STAU2: variants seen among roughly 807,000 people sequenced by gnomAD.
STAU2 encodes the protein staufen double-stranded RNA binding protein 2.
A neutral mutation model predicts 65.9 loss-of-function variants in STAU2; 20 were observed. The observed-to-expected ratio is 0.30, with a 90% CI of 0.21 to 0.44. The LOEUF is 0.44. Among genes scored for constraint, STAU2 ranks in the 20% least tolerant of loss-of-function variants. The pLI is 1.00. For missense variants in STAU2, 558 were observed against 683.9 expected, an observed-to-expected ratio of 0.82 and a Z score of 2.05; for synonymous variants, 232 against 233.9, an observed-to-expected ratio of 0.99 and a Z score of 0.07.
intron 13 of STAU2, among the ~76,000 whole-genome samples, chr8:73,481,957 G>C (rs1820655677): frequency 6.6e-6 from 1 of 152,134 alleles, no homozygotes; most frequent in South Asian, 2.1e-4. Flanking sequence ...AAGTTAGTCT[G>C]TGTGTATATA....
chr8:73,493,708 C>G (rs1821257254), intron 13 of STAU2, among the ~76,000 whole-genome samples: 1 of 151,636 alleles, frequency 6.6e-6, no homozygotes, highest in Non-Finnish European at 1.5e-5. Flanking sequence ...ACAAAACACA[C>G]ACCTACCCTA....
rs141656235 is a variant in STAU2, at chr8:73,713,754, T to C, written c.-17-4592A>G. On this transcript the variant is annotated intron_variant, in intron 3 of 14. Transcript: ENST00000524300. Reference sequence around the variant, plus strand: ...ATTCACTAGAACACCAAAAGTTTCCTAAACCAGAACTTAAAGTAGCATTTT... The same window carrying C: ...ATTCACTAGAACACCAAAAGTTTCCCAAACCAGAACTTAAAGTAGCATTTT... Among the ~76,000 whole-genome samples the C allele has an allele frequency of 8.2e-4, 125 of 152,306 alleles. No individual in the cohort carries two copies. The East Asian group carries it at 0.019, about 23-fold the overall frequency.
At chr8:73,663,037 T>G (rs148403983) in intron 6 of STAU2, among the ~76,000 whole-genome samples, 47 of 152,340 alleles carry the variant, frequency 3.1e-4, no homozygotes, top group African/African-American at 1.1e-3. Context: ...ATTGTTCATA[T>G]ATGGATTGAT....
At chr8:73,463,046 A>G (rs1441237204) in intron 13 of STAU2, among the ~76,000 whole-genome samples, 1 of 152,178 alleles carries the variant, frequency 6.6e-6, no homozygotes, top group Non-Finnish European at 1.5e-5. Context: ...CTCCACTTGC[A>G]CTTCCTGAGG....
chr8:73,692,893 C>T (rs184024105), intron 4 of STAU2, among the ~76,000 whole-genome samples: 6 of 152,328 alleles, frequency 3.9e-5, no homozygotes, highest in Admixed American at 1.3e-4. Flanking sequence ...GGTGTGGTGG[C>T]TTATGCCTGG....
At chr8:73,692,212 C>A (rs372235568) in intron 4 of STAU2, among the ~76,000 whole-genome samples, 3 of 141,622 alleles carry the variant, frequency 2.1e-5, no homozygotes, top group African/African-American at 7.8e-5. Context: ...TTTTTTTTTT[C>A]CCCGGAGATG....
At chr8:73,747,029 C>A (rs1052404378), upstream of STAU2, 4 of 219,328 alleles carry the variant, frequency 1.8e-5, no homozygotes, top group Non-Finnish European at 2.3e-5. Flanking sequence ...GGCTCTACCT[C>A]CACTCCGCCT....
chr8:73,575,167 A>C lies in STAU2; in HGVS notation c.1222+7603T>G, dbSNP rs569731342. Among the ~76,000 whole-genome samples the C allele has an allele frequency of 4.6e-5, 7 of 151,916 alleles. No homozygotes were observed. In the South Asian group the frequency reaches 1.4e-3, roughly 31 times the overall value. On this transcript the variant is annotated intron_variant, in intron 12 of 14. Coordinates refer to ENST00000524300, the MANE Select transcript of STAU2 (RefSeq NM_001164380.2). ...AAGAGAGAAAAAGACTAACCAATCT[A>C]ATGTCCAAAGGGACATCAGATATGG...
intron 12 of STAU2, among the ~76,000 whole-genome samples, chr8:73,560,397 T>C: frequency 6.6e-6 from 1 of 152,244 alleles, no homozygotes. Context: ...TGTATTTTAA[T>C]GTGCTCAAAA....
intron 12 of STAU2, among the ~76,000 whole-genome samples, chr8:73,555,026 G>A (rs376049081): frequency 2.7e-4 from 41 of 152,246 alleles, no homozygotes; most frequent in African/African-American, 8.9e-4. Flanking sequence ...TTCAGGCATC[G>A]CACCAACCAA....
At chr8:73,518,923 A>G (rs1585918802) in intron 13 of STAU2, among the ~76,000 whole-genome samples, 1 of 152,224 alleles carries the variant, frequency 6.6e-6, no homozygotes, top group Non-Finnish European at 1.5e-5. Context: ...AGGGAGGACC[A>G]TTTTGAAATA....
chr8:73,742,324 G>C (rs998664815), intron 1 of STAU2: 2 of 747,550 alleles, frequency 2.7e-6, no homozygotes, highest in African/African-American at 3.8e-5. Context: ...CCTGAGGTCA[G>C]GAGTTCGAGA....
chr8:73,637,261 TA>T (rs1814591967), intron 6 of STAU2, among the ~76,000 whole-genome samples: 2 of 150,934 alleles, frequency 1.3e-5, no homozygotes, highest in Admixed American at 1.3e-4. Flanking sequence ...TTTCCTTTGG[TA>T]AAAGGCATAT....
intron 3 of STAU2, among the ~76,000 whole-genome samples, chr8:73,721,287 CAAA>C (rs35721754): frequency 3.6e-3 from 45 of 12,456 alleles, no homozygotes; most frequent in African/African-American, 0.014. Flanking sequence ...ACCCCACCTC[CAAA>C]AAAAAAAAAA....
intron 6 of STAU2, among the ~76,000 whole-genome samples, chr8:73,624,263 G>A (rs142960738): frequency 5.9e-5 from 9 of 152,240 alleles, no homozygotes; most frequent in African/African-American, 2.2e-4. Context: ...CACAAATCAA[G>A]AGAATAAGTA....
chr8:73,517,064 T>C (rs2128926718), intron 13 of STAU2, among the ~76,000 whole-genome samples: 1 of 152,172 alleles, frequency 6.6e-6, no homozygotes, highest in South Asian at 2.1e-4. Context: ...GAATAGTAAA[T>C]TCCTACCTAA....
At chr8:73,746,443 C>T (rs1807287813) in intron 1 of STAU2, among the ~76,000 whole-genome samples, 1 of 151,960 alleles carries the variant, frequency 6.6e-6, no homozygotes, top group Non-Finnish European at 1.5e-5. Context: ...TTCCTGTCTC[C>T]CCGACCTCCG....
chr8:73,627,444 G>A (rs1188619015), intron 6 of STAU2, among the ~76,000 whole-genome samples: 1 of 152,026 alleles, frequency 6.6e-6, no homozygotes, highest in Non-Finnish European at 1.5e-5. Context: ...CGTCACAGGG[G>A]CCTTCTTCCC....
At chr8:73,650,416 T>C (rs754926574) in intron 6 of STAU2, among the ~76,000 whole-genome samples, 4 of 152,210 alleles carry the variant, frequency 2.6e-5, no homozygotes, top group Non-Finnish European at 5.9e-5. Flanking sequence ...GTGATATATG[T>C]AAAAATGTAT....
Sources: allele counts gnomAD v4.1 joint callset (sites outside exome capture counted in the v4.1 genomes callset), GRCh38; gene constraint gnomAD v4.1.1; transcripts MANE v1.5; gene names NCBI Gene and HGNC (gene_info 2026-07-23, HGNC 2026-07-21).